The following FOCAD variants were observed in gnomAD, a reference collection of about 807,000 sequenced individuals.
FOCAD encodes the protein focadhesin.
Under a neutral mutation model 225.6 loss-of-function variants are expected in FOCAD, and 198 were observed. That is an observed-to-expected ratio of 0.88 (90% CI 0.78 to 0.99). FOCAD has a LOEUF of 0.99. Ranked by LOEUF, FOCAD falls within the 50% of genes least tolerant of loss-of-function variation. The pLI is 0.00. For missense variants in FOCAD, 2,713 were observed against 2,123.6 expected (o/e 1.28, Z -5.46); for synonymous variants, 897 against 755.0 (o/e 1.19, Z -3.08).
intron 3 of FOCAD, among the ~76,000 whole-genome samples, chr9:20,719,028 G>T (rs935843960): frequency 6.6e-6 from 1 of 152,118 alleles, no homozygotes; most frequent in Non-Finnish European, 1.5e-5. Flanking sequence ...TGCTAAGATA[G>T]AAAAGATTCT....
intron 15 of FOCAD, among the ~76,000 whole-genome samples, chr9:20,861,161 A>G (rs2131687573): frequency 6.6e-6 from 1 of 152,352 alleles, no homozygotes; most frequent in East Asian, 1.9e-4. Flanking sequence ...CTGTTGAAAT[A>G]GTTTAAAGTC....
chr9:20,680,511 C>T (rs1008124259), upstream of FOCAD, among the ~76,000 whole-genome samples: 6 of 152,034 alleles, frequency 3.9e-5, no homozygotes, highest in Non-Finnish European at 7.4e-5. Flanking sequence ...GCTGAGATTG[C>T]GTCATTGCAC....
intron 7 of FOCAD, among the ~76,000 whole-genome samples, chr9:20,768,512 G>T (rs1422715145): frequency 7.9e-5 from 12 of 151,514 alleles, no homozygotes; most frequent in Admixed American, 7.9e-4. Context: ...TTGAGCAGTG[G>T]TTTGTAGTTC....
chr9:20,971,893 A>C (rs1373052106), intron 35 of FOCAD, among the ~76,000 whole-genome samples: 1 of 152,030 alleles, frequency 6.6e-6, no homozygotes, highest in Admixed American at 6.6e-5. Flanking sequence ...TAATGGCCTT[A>C]AGTTTCATCC....
chr9:20,926,950 TATG>T (rs1389660951), intron 26 of FOCAD, among the ~76,000 whole-genome samples: 1 of 150,538 alleles, frequency 6.6e-6, no homozygotes, highest in Non-Finnish European at 1.5e-5. Context: ...TTATAAGAAA[TATG>T]TGTGTAAATA....
chr9:20,810,293 C>T (rs1226107048), intron 11 of FOCAD, among the ~76,000 whole-genome samples: 4 of 152,098 alleles, frequency 2.6e-5, no homozygotes, highest in Admixed American at 2.0e-4. Context: ...TACATAGTTG[C>T]TTACCTAGAT....
Position 20,738,578 on chromosome 9 carries a change from A to G in FOCAD, c.288-1658A>G, listed in dbSNP as rs571209002. On this transcript the variant is annotated intron_variant, in intron 4 of 43. Coordinates refer to ENST00000338382, the MANE Select transcript of FOCAD (RefSeq NM_001375567.1). ...ACACATGTGACATATGTCATGAAAGATTCATCCATGAGTTATACTGAATGG... is the reference window on the plus strand; with the variant it reads ...ACACATGTGACATATGTCATGAAAGGTTCATCCATGAGTTATACTGAATGG... Among the ~76,000 whole-genome samples the G allele has an allele frequency of 2.0e-5, 3 of 152,336 alleles. No individual in the cohort carries two copies. In the South Asian group the frequency reaches 6.2e-4, roughly 32 times the overall value.
At chr9:20,816,484 C>G (rs115054294) in intron 11 of FOCAD, among the ~76,000 whole-genome samples, 1,988 of 152,218 alleles carry the variant, frequency 0.013, 43 homozygotes, top group African/African-American at 0.045. Context: ...TTAAAAACAT[C>G]ATACATTTTG....
intron 11 of FOCAD, among the ~76,000 whole-genome samples, chr9:20,818,749 C>G (rs2131403193): frequency 1.3e-5 from 2 of 152,054 alleles, no homozygotes; most frequent in South Asian, 4.2e-4. Context: ...TATGCCAGTA[C>G]CATACAGTTT....
chr9:20,944,594 G>C, intron 28 of FOCAD, 33 bp from the exon 29 acceptor site: 1 of 1,597,368 alleles, frequency 6.3e-7, no homozygotes, highest in Non-Finnish European at 8.6e-7. Context: ...GATTTCTTAT[G>C]ATCCTAACAT....
chr9:20,715,455 G>T, intron 2 of FOCAD, 45 bp downstream of exon 2: 1 of 1,172,258 alleles, frequency 8.5e-7, no homozygotes, highest in East Asian at 2.7e-5. Context: ...AAATAAACCT[G>T]TTCTGTGGAT....
At chr9:20,711,536 CT>C (rs1356246378) in intron 1 of FOCAD, among the ~76,000 whole-genome samples, 23 of 152,130 alleles carry the variant, frequency 1.5e-4, no homozygotes, top group Non-Finnish European at 1.0e-4. Context: ...TGGAGTAAGC[CT>C]GCCATGAGGA....
chr9:20,789,481 C>G lies in FOCAD; in HGVS notation c.1328C>G (p.Pro443Arg). The part of the protein sequence containing the change: ...DWLASVESLL[P>R]ITAVIPAPAF... ...TTGGCTTCAGTAGAGTCATTGCTTCCTATTACTGCTGTGATCCCTGCGCCT... is the reference window on the plus strand; with the variant it reads ...TTGGCTTCAGTAGAGTCATTGCTTCGTATTACTGCTGTGATCCCTGCGCCT... The change falls in exon 11 of 44, where the codon CCT becomes CGT. Residue 443 changes from proline (P) to arginine (R), a missense_variant. By Grantham distance (103) the Pro-to-Arg change is moderately radical. Coordinates refer to ENST00000338382, the MANE Select transcript of FOCAD (RefSeq NM_001375567.1). 1.2e-6 allele frequency: 2 copies of G among 1,613,924 alleles called. No homozygotes were observed. Among genetic ancestry groups the G allele is most frequent in the Non-Finnish European group, 1.7e-6 (2 of 1,179,962 alleles).
chr9:20,673,706 A>G (rs1822145493), intron 2 of FOCAD, among the ~76,000 whole-genome samples: 1 of 152,048 alleles, frequency 6.6e-6, no homozygotes, highest in African/African-American at 2.4e-5. Flanking sequence ...AGGCTCAAGC[A>G]GTCCTCCCAC....
chr9:20,761,234 T>A (rs1023640174), intron 6 of FOCAD, among the ~76,000 whole-genome samples: 1 of 152,142 alleles, frequency 6.6e-6, no homozygotes, highest in Non-Finnish European at 1.5e-5. Flanking sequence ...CTTTAACCTT[T>A]CAGGAACTGA....
intron 3 of FOCAD, among the ~76,000 whole-genome samples, chr9:20,718,869 C>T (rs1015197869): frequency 7.9e-5 from 12 of 151,966 alleles, no homozygotes; most frequent in African/African-American, 1.7e-4. Flanking sequence ...TTTGTTTTTC[C>T]GGTGTAATAA....
At chr9:20,956,856 C>G (rs1838180627) in intron 35 of FOCAD, among the ~76,000 whole-genome samples, 2 of 152,088 alleles carry the variant, frequency 1.3e-5, no homozygotes, top group Admixed American at 1.3e-4. Context: ...CCACGCCTGG[C>G]TAATTTTTTG....
chr9:20,801,072 T>G (rs146016274), intron 11 of FOCAD, among the ~76,000 whole-genome samples: 2 of 152,280 alleles, frequency 1.3e-5, no homozygotes, highest in South Asian at 4.1e-4. Flanking sequence ...TAACAGTCAG[T>G]ACCCTCAACT....
chr9:20,828,966 C>G (rs1825204763), intron 15 of FOCAD, among the ~76,000 whole-genome samples: 1 of 152,138 alleles, frequency 6.6e-6, no homozygotes, highest in South Asian at 2.1e-4. Context: ...AGGACATGCT[C>G]TCATTCCTTT....
Sources: allele counts gnomAD v4.1 joint callset (sites outside exome capture counted in the v4.1 genomes callset), GRCh38; gene constraint gnomAD v4.1.1; transcripts MANE v1.5; gene names NCBI Gene and HGNC (gene_info 2026-07-23, HGNC 2026-07-21).